The following TENM2 variants were observed in gnomAD, a reference collection of about 807,000 sequenced individuals.
TENM2 encodes the protein teneurin transmembrane protein 2, also known as teneurin-2.
A neutral mutation model predicts 245.2 loss-of-function variants in TENM2; 52 were observed. The observed-to-expected ratio is 0.21, with a 90% CI of 0.17 to 0.27. The LOEUF (loss-of-function observed/expected upper bound fraction) is 0.27. TENM2 is among the 10% of genes least tolerant of loss of function. The probability of loss-of-function intolerance (pLI) is 1.00; values close to 1 mark genes in which losing one functional copy is unlikely to be tolerated. For synonymous variants in TENM2, 1,363 were observed against 1,438.9 expected (o/e 0.95, Z 1.19); for missense variants, 3,046 against 3,666.8 (o/e 0.83, Z 4.37).
chr5:167,493,955 T>C (rs1768612730), intron 2 of TENM2, among the ~76,000 whole-genome samples: 1 of 152,064 alleles, frequency 6.6e-6, no homozygotes, highest in African/African-American at 2.4e-5. Context: ...GATGATATGA[T>C]CGTATACTTG....
intron 2 of TENM2, among the ~76,000 whole-genome samples, chr5:167,864,320 G>A (rs1458112828): frequency 6.6e-6 from 1 of 152,156 alleles, no homozygotes; most frequent in African/African-American, 2.4e-5. Context: ...CATTTGCAAT[G>A]CACTTTCATC....
At chr5:167,075,958 C>T in the TENM2 span, among the ~76,000 whole-genome samples, 1 of 152,170 alleles carries the variant, frequency 6.6e-6, no homozygotes, top group African/African-American at 2.4e-5. Flanking sequence ...GCTTTATAAA[C>T]ATAAGCCAGT....
the TENM2 span, among the ~76,000 whole-genome samples, chr5:167,263,414 C>T: frequency 8.5e-5 from 13 of 152,124 alleles, no homozygotes; most frequent in African/African-American, 3.1e-4. Flanking sequence ...TATGCAGAAA[C>T]CCTGCTCCTT....
At chr5:167,705,968 TA>T in intron 2 of TENM2, among the ~76,000 whole-genome samples, 1 of 60,962 alleles carries the variant, frequency 1.6e-5, no homozygotes, top group Admixed American at 1.9e-4. Flanking sequence ...GGCTGGGTTA[TA>T]TATATATATA....
intron 2 of TENM2, among the ~76,000 whole-genome samples, chr5:167,824,111 T>C (rs987496536): frequency 6.6e-6 from 1 of 152,234 alleles, no homozygotes; most frequent in Non-Finnish European, 1.5e-5. Context: ...CATCGCCTGC[T>C]GCCTTTGTCG....
intron 2 of TENM2, among the ~76,000 whole-genome samples, chr5:167,783,301 C>T (rs1351294774): frequency 6.6e-6 from 1 of 151,252 alleles, no homozygotes; most frequent in Admixed American, 6.6e-5. Flanking sequence ...GGGTCATGTT[C>T]ATCTGGGAGA....
At chr5:167,763,961 T>C (rs1014214615) in intron 2 of TENM2, among the ~76,000 whole-genome samples, 6 of 152,088 alleles carry the variant, frequency 3.9e-5, no homozygotes, top group Admixed American at 2.6e-4. Context: ...ATCCCATCTT[T>C]CTTCGTGGGA....
At chr5:167,645,225 A>G (rs983043821) in intron 2 of TENM2, among the ~76,000 whole-genome samples, 1 of 152,232 alleles carries the variant, frequency 6.6e-6, no homozygotes, top group Non-Finnish European at 1.5e-5. Flanking sequence ...TGAGAAGTAC[A>G]TTCTAACATC....
intron 1 of TENM2, among the ~76,000 whole-genome samples, chr5:167,348,847 C>T (rs1427401367): frequency 6.6e-6 from 1 of 152,190 alleles, no homozygotes; most frequent in Non-Finnish European, 1.5e-5. Flanking sequence ...TTCCTATCTT[C>T]TTTCAGTTCG....
chr5:167,174,268 G>T, the TENM2 span, among the ~76,000 whole-genome samples: 1 of 152,136 alleles, frequency 6.6e-6, no homozygotes, highest in Non-Finnish European at 1.5e-5. Context: ...CAGTGATTAA[G>T]ATTAATGTAC....
chr5:167,752,877 T>C (rs997924242), intron 2 of TENM2, among the ~76,000 whole-genome samples: 1 of 152,192 alleles, frequency 6.6e-6, no homozygotes. Context: ...AGGATTTAGT[T>C]ATATGGGTCT....
At chr5:167,004,058 A>G in the TENM2 span, among the ~76,000 whole-genome samples, 1 of 152,234 alleles carries the variant, frequency 6.6e-6, no homozygotes, top group African/African-American at 2.4e-5. Context: ...AAACATGATT[A>G]GAAATGCAGA....
At chr5:167,559,649 G>A (rs1773464560) in intron 2 of TENM2, among the ~76,000 whole-genome samples, 1 of 152,122 alleles carries the variant, frequency 6.6e-6, no homozygotes, top group Admixed American at 6.5e-5. Flanking sequence ...GCCCATTGCA[G>A]CTCCACAGCC....
chr5:168,018,522 G>C (rs955079788), intron 5 of TENM2, among the ~76,000 whole-genome samples: 6 of 151,994 alleles, frequency 3.9e-5, no homozygotes, highest in African/African-American at 1.2e-4. Flanking sequence ...AGTAACTGCA[G>C]ATATTGACTT....
At chr5:167,388,871 A>G (rs1298181584) in intron 2 of TENM2, among the ~76,000 whole-genome samples, 1 of 151,984 alleles carries the variant, frequency 6.6e-6, no homozygotes, top group African/African-American at 2.4e-5. Context: ...AGTGTTTGAT[A>G]TAATTGTGTT....
intron 4 of TENM2, among the ~76,000 whole-genome samples, chr5:167,968,122 A>C (rs1781513078): frequency 6.6e-6 from 1 of 152,166 alleles, no homozygotes; most frequent in Non-Finnish European, 1.5e-5. Flanking sequence ...ATACTCAGCC[A>C]TTCTGCTCAG....
the TENM2 span, among the ~76,000 whole-genome samples, chr5:167,209,397 G>A: frequency 6.6e-6 from 1 of 151,776 alleles, no homozygotes; most frequent in Admixed American, 6.6e-5. Context: ...CCAAGTAGCT[G>A]GGATTACAGG....
chr5:167,632,737 T>G (rs1778956640), intron 2 of TENM2, among the ~76,000 whole-genome samples: 1 of 152,096 alleles, frequency 6.6e-6, no homozygotes, highest in Non-Finnish European at 1.5e-5. Context: ...CCCAGCACAG[T>G]ACCTGGCACA....
the TENM2 span, among the ~76,000 whole-genome samples, chr5:167,206,628 A>C: frequency 6.6e-6 from 1 of 152,338 alleles, no homozygotes; most frequent in South Asian, 2.1e-4. Flanking sequence ...ATGAGCTGTT[A>C]AAATAAGTAG....
Sources: allele counts gnomAD v4.1 joint callset (sites outside exome capture counted in the v4.1 genomes callset), GRCh38; gene constraint gnomAD v4.1.1; transcripts MANE v1.5; gene names NCBI Gene and HGNC (gene_info 2026-07-23, HGNC 2026-07-21).